Variants in FRMD6 observed in about 807,000 individuals in gnomAD.
FRMD6 encodes the protein FERM domain containing 6, also known as FERM domain-containing protein 6.
A neutral mutation model predicts 73.2 loss-of-function variants in FRMD6; 37 were observed. The ratio of observed to expected loss-of-function variants is 0.51; its 90% CI spans 0.39 to 0.66. FRMD6 has a LOEUF of 0.66. Among genes scored for constraint, FRMD6 ranks in the 30% least tolerant of loss-of-function variants. FRMD6 has a pLI of 0.00. For missense variants in FRMD6, 714 were observed against 780.5 expected (o/e 0.91, Z 1.02); for synonymous variants, 273 against 282.2 (o/e 0.97, Z 0.33).
intron 1 of FRMD6, among the ~76,000 whole-genome samples, chr14:51,505,760 T>C (rs1039798923): frequency 2.6e-5 from 4 of 152,200 alleles, no homozygotes; most frequent in Admixed American, 2.0e-4. Context: ...CCTTTTTGAA[T>C]GTCCCCCCTC....
chr14:51,679,408 G>T (rs545012368), intron 1 of FRMD6, among the ~76,000 whole-genome samples: 1 of 150,854 alleles, frequency 6.6e-6, no homozygotes, highest in South Asian at 2.1e-4. Context: ...AGCATATAGA[G>T]AGAGAGAACA....
At chr14:51,478,349 G>A in the FRMD6 span, among the ~76,000 whole-genome samples, 3 of 152,074 alleles carry the variant, frequency 2.0e-5, no homozygotes, top group African/African-American at 2.4e-5. Context: ...GAAGAAAAGC[G>A]CTGGCATCAG....
intron 1 of FRMD6, among the ~76,000 whole-genome samples, chr14:51,551,755 A>C (rs1214899503): frequency 6.6e-6 from 1 of 151,888 alleles, no homozygotes; most frequent in Non-Finnish European, 1.5e-5. Flanking sequence ...ACTTTATATA[A>C]ATGAATATAT....
At chr14:51,667,561 G>C (rs958410471) in intron 1 of FRMD6, among the ~76,000 whole-genome samples, 1 of 152,070 alleles carries the variant, frequency 6.6e-6, no homozygotes, top group African/African-American at 2.4e-5. Flanking sequence ...TTAATTTTTT[G>C]CATAGTTTAG....
At chr14:51,693,043 A>G (rs1042893208) in intron 2 of FRMD6, among the ~76,000 whole-genome samples, 1 of 152,180 alleles carries the variant, frequency 6.6e-6, no homozygotes, top group African/African-American at 2.4e-5. Flanking sequence ...AATTTGTATT[A>G]GCTTCATTTC....
At chr14:51,680,413 A>T (rs953515766) in intron 1 of FRMD6, among the ~76,000 whole-genome samples, 2 of 152,182 alleles carry the variant, frequency 1.3e-5, no homozygotes, top group African/African-American at 2.4e-5. Flanking sequence ...TTAATTTAAG[A>T]TGTAGTTGCA....
At chr14:51,472,184 A>T in the FRMD6 span, among the ~76,000 whole-genome samples, 1 of 152,204 alleles carries the variant, frequency 6.6e-6, no homozygotes, top group African/African-American at 2.4e-5. Context: ...AGGACCCAGC[A>T]CAATGAAGGT....
At chr14:51,577,798 C>CT (rs1470360926) in intron 2 of FRMD6, among the ~76,000 whole-genome samples, 2 of 152,004 alleles carry the variant, frequency 1.3e-5, no homozygotes, top group Admixed American at 6.5e-5. Context: ...TTTCTTTTCT[C>CT]TTTTTTTTGT....
intron 1 of FRMD6, among the ~76,000 whole-genome samples, chr14:51,539,940 C>T (rs1596559474): frequency 6.6e-6 from 1 of 152,284 alleles, no homozygotes; most frequent in South Asian, 2.1e-4. Context: ...ACCAGCTGTT[C>T]CAGTGACTAG....
chr14:51,446,004 G>A, the FRMD6 span, among the ~76,000 whole-genome samples: 1 of 152,180 alleles, frequency 6.6e-6, no homozygotes, highest in Non-Finnish European at 1.5e-5. Context: ...CAGAAGCGTC[G>A]AGAGGTTTGG....
the FRMD6 span, among the ~76,000 whole-genome samples, chr14:51,471,476 G>T: frequency 6.6e-6 from 1 of 151,018 alleles, no homozygotes. Flanking sequence ...ACTCCAGCCT[G>T]GGTGACAGAG....
At chr14:51,609,466 C>A (rs1284004968) in intron 2 of FRMD6, among the ~76,000 whole-genome samples, 1 of 152,126 alleles carries the variant, frequency 6.6e-6, no homozygotes, top group African/African-American at 2.4e-5. Flanking sequence ...GGGGAGAACA[C>A]TAGGAAGGAG....
At chr14:51,419,584 G>T in the FRMD6 span, among the ~76,000 whole-genome samples, 5 of 152,200 alleles carry the variant, frequency 3.3e-5, no homozygotes, top group Non-Finnish European at 7.3e-5. Flanking sequence ...GAGGGAGGCA[G>T]GTTTGTGTGA....
chr14:51,695,861 C>G (rs1271693065), intron 2 of FRMD6, among the ~76,000 whole-genome samples: 2 of 152,138 alleles, frequency 1.3e-5, no homozygotes, highest in Non-Finnish European at 2.9e-5. Flanking sequence ...ATTCTTCTTA[C>G]TACAGTCGGA....
At chr14:51,495,633 G>A (rs375602026) in intron 1 of FRMD6, among the ~76,000 whole-genome samples, 1 of 152,186 alleles carries the variant, frequency 6.6e-6, no homozygotes, top group African/African-American at 2.4e-5. Context: ...TGATATTAGA[G>A]TGTCTTTCTC....
Position 51,628,800 on chromosome 14 carries a change from C to CAAAAA in FRMD6, c.-147+58410_-147+58414dup, listed in dbSNP as rs764713119. Among the ~76,000 whole-genome samples, 230 of 52,220 alleles carry CAAAAA rather than the reference C, an allele frequency of 4.4e-3. 9 individuals carry two copies. The highest frequency in any genetic ancestry group is 0.013 in the African/African-American group (184 of 14,464). 34.3% of individuals were successfully genotyped at this position (52,220 alleles called of 152,430 possible). On this transcript the variant is annotated intron_variant, in intron 2 of 14. Coordinates refer to the FRMD6 transcript ENST00000356218. ...TGGGTGACAGAGCAAGACTCTGTCT[C>CAAAAA]AAAAAAAAAAAAAAAAAAAAAAAAG...
At chr14:51,658,401 A>C (rs1043084505) in intron 1 of FRMD6, among the ~76,000 whole-genome samples, 1 of 151,404 alleles carries the variant, frequency 6.6e-6, no homozygotes, top group African/African-American at 2.4e-5. Context: ...AGATCTCTTG[A>C]GGTCCCTCTT....
intron 1 of FRMD6, among the ~76,000 whole-genome samples, chr14:51,550,215 G>A (rs1886733904): frequency 6.6e-6 from 1 of 151,960 alleles, no homozygotes; most frequent in Non-Finnish European, 1.5e-5. Context: ...CATTTCTTTT[G>A]GAAATAGGAA....
rs1340643764 is a variant in FRMD6, at chr14:51,529,081, G to A, written c.-210+39661G>A. On this transcript the variant is annotated intron_variant, in intron 1 of 14. Coordinates refer to the FRMD6 transcript ENST00000356218. ...CACAAGATGAATAGTTGGTCTTGGG[G>A]GACATGCTGACAGAACAGCCCTGCA... is the stretch of plus-strand genomic sequence containing the variant. 2.6e-5 allele frequency among the ~76,000 whole-genome samples: 4 copies of A among 152,184 alleles called. No homozygotes were observed. The South Asian group carries it at 6.2e-4, about 24-fold the overall frequency.
Sources: allele counts gnomAD v4.1 joint callset (sites outside exome capture counted in the v4.1 genomes callset), GRCh38; gene constraint gnomAD v4.1.1; transcripts MANE v1.5; gene names NCBI Gene and HGNC (gene_info 2026-07-23, HGNC 2026-07-21).